Variants in FAM168A observed in about 807,000 individuals in gnomAD.
FAM168A encodes family with sequence similarity 168 member A.
In FAM168A, 3 loss-of-function variants were observed where a neutral mutation model predicts 28.5. That is an observed-to-expected ratio of 0.11 (90% CI 0.05 to 0.27). The LOEUF (loss-of-function observed/expected upper bound fraction) is 0.27, where lower values mean the gene tolerates loss of function less well. Among genes scored for constraint, FAM168A ranks in the 10% least tolerant of loss-of-function variants. The pLI is 1.00. For missense variants in FAM168A, 222 were observed against 311.5 expected, an observed-to-expected ratio of 0.71 and a Z score of 2.16; for synonymous variants, 122 against 124.2, an observed-to-expected ratio of 0.98 and a Z score of 0.12.
At chr11:73,422,212 G>A (rs1446641208) in intron 3 of FAM168A, among the ~76,000 whole-genome samples, 1 of 152,102 alleles carries the variant, frequency 6.6e-6, no homozygotes, top group African/African-American at 2.4e-5. Flanking sequence ...AATGTTCCAG[G>A]TTAACCAGGA....
rs906797078 is a variant in FAM168A, at chr11:73,400,768, C to T, written c.*5995G>A. The T allele has an allele frequency of 6.6e-6, 1 of 152,186 alleles. No individual in the cohort carries two copies. 9.4% of individuals were successfully genotyped at this position (152,186 alleles called of 1,614,324 possible). ...TCCTCTGTGCCTCCCTCCCCAAGAA[C>T]CACTCAGTCTAGTCACCTAAGACTT... On this transcript the variant is annotated 3_prime_UTR_variant, in exon 8 of 8. Transcript: ENST00000356467.
chr11:73,423,152 CA>C (rs1003872766), intron 3 of FAM168A, among the ~76,000 whole-genome samples: 2 of 152,204 alleles, frequency 1.3e-5, no homozygotes, highest in African/African-American at 4.8e-5. Context: ...AATAAAGTGT[CA>C]CCCAGTCTTA....
At chr11:73,512,708 C>T (rs1855248619) in intron 1 of FAM168A, among the ~76,000 whole-genome samples, 2 of 151,900 alleles carry the variant, frequency 1.3e-5, no homozygotes, top group Non-Finnish European at 2.9e-5. Flanking sequence ...TTCTATACTG[C>T]ACTATTCTAT....
intron 2 of FAM168A, among the ~76,000 whole-genome samples, chr11:73,442,164 C>T (rs546584190): frequency 1.6e-3 from 238 of 144,732 alleles, no homozygotes; most frequent in Admixed American, 3.4e-3. Context: ...CTCACTCTGT[C>T]GCCCAGGCTG....
intron 1 of FAM168A, among the ~76,000 whole-genome samples, chr11:73,477,094 C>T (rs1867898582): frequency 6.6e-6 from 1 of 151,996 alleles, no homozygotes. Context: ...GGTCATTATC[C>T]TAAGCAAATT....
At chr11:73,432,132 A>T (rs185500357) in intron 2 of FAM168A, among the ~76,000 whole-genome samples, 1 of 152,358 alleles carries the variant, frequency 6.6e-6, no homozygotes, top group African/African-American at 2.4e-5. Flanking sequence ...GCTGAATAAT[A>T]TTCCACTGTG....
At position 73,497,262 on chromosome 11, in the gene FAM168A, C is replaced by G. The variant is rs554223630; in HGVS notation, c.-18-28770G>C. Among the ~76,000 whole-genome samples the G allele has an allele frequency of 5.1e-4, 78 of 152,098 alleles. 1 individual carries two copies. Among genetic ancestry groups the G allele is most frequent in the African/African-American group, 1.9e-3 (77 of 41,500 alleles). On this transcript the variant is annotated intron_variant, in intron 1 of 7. Transcript: ENST00000356467. Reference sequence around the variant, plus strand: ...CAGGCAGATCACGAGGTCAGGAGATCCAGACCATCCTGGCCAACATGGTGA... The same window carrying G: ...CAGGCAGATCACGAGGTCAGGAGATGCAGACCATCCTGGCCAACATGGTGA...
At chr11:73,475,550 C>T (rs1236497515) in intron 1 of FAM168A, among the ~76,000 whole-genome samples, 1 of 151,828 alleles carries the variant, frequency 6.6e-6, no homozygotes, top group Non-Finnish European at 1.5e-5. Flanking sequence ...AATTAAAATG[C>T]CAAAAGTAAT....
At chr11:73,414,193 CAT>C (rs988314764) in intron 4 of FAM168A, among the ~76,000 whole-genome samples, 64 of 152,278 alleles carry the variant, frequency 4.2e-4, no homozygotes, top group African/African-American at 1.3e-3. Flanking sequence ...AAATTTCAGC[CAT>C]GTTTTTTGTA....
chr11:73,580,654 G>A (rs1944231641), intron 1 of FAM168A: 2 of 385,198 alleles, frequency 5.2e-6, no homozygotes, highest in Admixed American at 3.5e-5. Context: ...CACAGAACAT[G>A]TCCTTGTTGT....
chr11:73,493,244 A>G (rs946631992), intron 1 of FAM168A, among the ~76,000 whole-genome samples: 1 of 152,150 alleles, frequency 6.6e-6, no homozygotes, highest in Non-Finnish European at 1.5e-5. Flanking sequence ...AGTAGCTTGA[A>G]CTCATAGTTC....
chr11:73,543,323 G>GCACAATCT (rs1305599795), intron 1 of FAM168A, among the ~76,000 whole-genome samples: 1 of 147,334 alleles, frequency 6.8e-6, no homozygotes, highest in African/African-American at 2.6e-5. Flanking sequence ...GAGTGCAGTG[G>GCACAATCT]CACAATCTCA....
At chr11:73,536,464 G>C (rs749520580) in intron 1 of FAM168A, among the ~76,000 whole-genome samples, 23 of 152,176 alleles carry the variant, frequency 1.5e-4, no homozygotes, top group Non-Finnish European at 3.1e-4. Context: ...GAAGTGGGCA[G>C]ATCACGTAAG....
chr11:73,408,915 C>T (rs1021411909), intron 6 of FAM168A, among the ~76,000 whole-genome samples: 15 of 151,848 alleles, frequency 9.9e-5, no homozygotes, highest in Non-Finnish European at 2.2e-4. Flanking sequence ...TCTTTTTTGG[C>T]GCCCCTGCTG....
In FAM168A at chr11:73,409,528, G is replaced by A; in HGVS notation, c.554C>T (p.Ala185Val). The A allele has an allele frequency of 6.2e-7, 1 of 1,614,026 alleles. No individual in the cohort carries two copies. The highest frequency in any genetic ancestry group is 8.5e-7 in the Non-Finnish European group (1 of 1,179,936). Residue 185 changes from alanine to valine, a missense_variant, in exon 6 of 8, where the codon GCC becomes GTC. Ala to Val is a moderately conservative substitution (Grantham distance 64). This residue lies in a region of FAM168A where 64 missense variants were observed against 94.6 expected (regional missense o/e 0.68). Coordinates refer to ENST00000356467, the MANE Select transcript of FAM168A (RefSeq NM_015159.3). ...PVAAPRTNGV[A>V]MGMVAGTTMA... is the part of the protein sequence containing the mutation. ...GGTGGTGCCTGCCACCATGCCCATG[G>A]CCACACCGTTGGTCCTCGGGGCGGC...
intron 2 of FAM168A, among the ~76,000 whole-genome samples, chr11:73,433,173 G>A (rs1867026889): frequency 7.5e-6 from 1 of 132,888 alleles, no homozygotes; most frequent in Non-Finnish European, 1.5e-5. Flanking sequence ...TGATTTTCCT[G>A]CCTCGGCCTC....
chr11:73,409,506 G>A lies in FAM168A; in HGVS notation c.576C>T (p.Thr192=), dbSNP rs1255475844. The part of the protein sequence containing the change: ...NGVAMGMVAG[T]TMAMSAGTLL... The stretch of plus-strand genomic sequence containing the variant: ...CCTCACCTGCTGACATTGCCATGGT[G>A]GTGCCTGCCACCATGCCCATGGCCA... Residue 192 remains threonine, a synonymous_variant, in exon 6 of 8, where the codon ACC becomes ACT. Coordinates refer to ENST00000356467, the MANE Select transcript of FAM168A (RefSeq NM_015159.3). 6.2e-7 allele frequency: 1 copy of A among 1,613,798 alleles called. No individual in the cohort carries two copies. Among genetic ancestry groups the A allele is most frequent in the South Asian group, 1.1e-5 (1 of 91,020 alleles).
chr11:73,522,696 G>A (rs964738634), intron 1 of FAM168A, among the ~76,000 whole-genome samples: 3 of 151,270 alleles, frequency 2.0e-5, no homozygotes, highest in African/African-American at 7.3e-5. Flanking sequence ...TGTCCCAAAT[G>A]CGGAGGTTGT....
intron 3 of FAM168A, 118 bp downstream of exon 3, chr11:73,430,572 G>A (rs1866969985): frequency 3.2e-6 from 3 of 926,868 alleles, no homozygotes; most frequent in African/African-American, 1.6e-5. Context: ...AATCCAGCCT[G>A]GAGAGGCTGC....
Sources: allele counts gnomAD v4.1 joint callset (sites outside exome capture counted in the v4.1 genomes callset), GRCh38; gene constraint gnomAD v4.1.1; regional missense constraint gnomAD v4.1.1; transcripts MANE v1.5; gene names NCBI Gene and HGNC (gene_info 2026-07-23, HGNC 2026-07-21).